TAFA5: variants seen among roughly 807,000 people sequenced by gnomAD.
TAFA5 encodes the protein chemokine-like protein TAFA-5.
A neutral mutation model predicts 15.3 loss-of-function variants in TAFA5; 6 were observed. The observed-to-expected ratio is 0.39, with a 90% CI of 0.21 to 0.77. The LOEUF (loss-of-function observed/expected upper bound fraction) is 0.77, where lower values mean the gene tolerates loss of function less well. Among genes scored for constraint, TAFA5 ranks in the 30% least tolerant of loss-of-function variants. The pLI is 0.41. For synonymous variants in TAFA5, 103 were observed against 80.7 expected, an observed-to-expected ratio of 1.28 and a Z score of -1.48; for missense variants, 161 against 193.1, an observed-to-expected ratio of 0.83 and a Z score of 0.98.
intron 1 of TAFA5, among the ~76,000 whole-genome samples, chr22:48,586,691 G>A (rs964742885): frequency 2.6e-5 from 4 of 152,236 alleles, no homozygotes; most frequent in South Asian, 4.1e-4. Context: ...CTCTGGATCC[G>A]GAGGTCCTGG....
intron 1 of TAFA5, among the ~76,000 whole-genome samples, chr22:48,500,642 T>G (rs1169100505): frequency 6.6e-6 from 1 of 152,236 alleles, no homozygotes; most frequent in Non-Finnish European, 1.5e-5. Context: ...ACACGCATAC[T>G]TAGCAGGCCT....
At chr22:48,592,498 G>A (rs1194034971) in intron 1 of TAFA5, among the ~76,000 whole-genome samples, 1 of 152,208 alleles carries the variant, frequency 6.6e-6, no homozygotes, top group Non-Finnish European at 1.5e-5. Flanking sequence ...CCAGCCCTGG[G>A]TCCAGGTCTC....
intron 2 of TAFA5, among the ~76,000 whole-genome samples, chr22:48,701,059 G>A (rs114277193): frequency 0.044 from 6,656 of 152,202 alleles, 460 homozygotes; most frequent in African/African-American, 0.14. Context: ...GGAGAGGCCC[G>A]CAGCCCTTCA....
chr22:48,723,522 A>T (rs1221121533), intron 3 of TAFA5, among the ~76,000 whole-genome samples: 1 of 152,170 alleles, frequency 6.6e-6, no homozygotes, highest in East Asian at 1.9e-4. Flanking sequence ...GGCTTTGGGC[A>T]TGATTGAACC....
chr22:48,680,299 TG>T (rs1280317850), intron 2 of TAFA5, among the ~76,000 whole-genome samples: 4 of 152,246 alleles, frequency 2.6e-5, no homozygotes, highest in African/African-American at 9.6e-5. Flanking sequence ...CCCAGGTTGC[TG>T]CCAGCTTTTG....
intron 1 of TAFA5, among the ~76,000 whole-genome samples, chr22:48,548,169 G>T (rs1326586809): frequency 1.3e-5 from 2 of 152,218 alleles, no homozygotes; most frequent in African/African-American, 2.4e-5. Context: ...GTGGGGCTTT[G>T]TCCAGTTTCT....
chr22:48,733,946 C>G (rs892036280), intron 3 of TAFA5, among the ~76,000 whole-genome samples: 1 of 152,178 alleles, frequency 6.6e-6, no homozygotes, highest in African/African-American at 2.4e-5. Flanking sequence ...CTGCCAAGAG[C>G]TGGAATGGGC....
intron 2 of TAFA5, among the ~76,000 whole-genome samples, chr22:48,682,359 G>A (rs1313307517): frequency 2.0e-5 from 3 of 152,240 alleles, no homozygotes; most frequent in African/African-American, 7.2e-5. Context: ...AGATGAAGGG[G>A]TTGGGGCAGA....
intron 1 of TAFA5, among the ~76,000 whole-genome samples, chr22:48,616,550 C>T (rs1265880274): frequency 6.6e-6 from 1 of 152,178 alleles, no homozygotes; most frequent in Non-Finnish European, 1.5e-5. Flanking sequence ...TCCCAGAGGT[C>T]TTCCTCCTGC....
At chr22:48,561,363 G>A (rs1183330404) in intron 1 of TAFA5, among the ~76,000 whole-genome samples, 1 of 152,188 alleles carries the variant, frequency 6.6e-6, no homozygotes, top group Admixed American at 6.5e-5. Flanking sequence ...GAATTCCTCA[G>A]ACTGCTCCGT....
intron 3 of TAFA5, among the ~76,000 whole-genome samples, chr22:48,734,663 T>G (rs1032841908): frequency 6.6e-6 from 1 of 152,254 alleles, no homozygotes; most frequent in African/African-American, 2.4e-5. Context: ...CATAAGTAAA[T>G]GCTAAAATGT....
rs542776040 is a variant in TAFA5, at chr22:48,548,559, G to C, written c.112+58855G>C. On this transcript the variant is annotated intron_variant, in intron 1 of 3. Transcript: ENST00000402357. ...GGTCAGACTGGACCCCAGGCTCCAG[G>C]CTCTGGGGCAGGGGAGTGGACTGGG... Among the ~76,000 whole-genome samples, 170 of 152,298 alleles carry C rather than the reference G, an allele frequency of 1.1e-3. 1 individual carries two copies. Among genetic ancestry groups the C allele is most frequent in the African/African-American group, 4.0e-3 (167 of 41,558 alleles).
chr22:48,704,789 C>T (rs151077343), intron 2 of TAFA5, among the ~76,000 whole-genome samples: 4 of 79,324 alleles, frequency 5.0e-5, no homozygotes, highest in East Asian at 2.5e-4. Context: ...CTCAGGCTGC[C>T]GTAGCAAAAC....
intron 1 of TAFA5, among the ~76,000 whole-genome samples, chr22:48,635,530 A>G (rs887975814): frequency 6.6e-6 from 1 of 152,120 alleles, no homozygotes; most frequent in East Asian, 1.9e-4. Flanking sequence ...TGCGCAGCGC[A>G]TTTCAGGGGC....
At chr22:48,576,550 C>T (rs1259780116) in intron 1 of TAFA5, 3 of 1,513,382 alleles carry the variant, frequency 2.0e-6, no homozygotes, top group East Asian at 2.7e-5. Flanking sequence ...CCTAGTGATC[C>T]ACGCGCAGTT....
intron 3 of TAFA5, among the ~76,000 whole-genome samples, chr22:48,719,062 GT>G (rs1297639196): frequency 6.6e-6 from 1 of 152,232 alleles, no homozygotes; most frequent in African/African-American, 2.4e-5. Flanking sequence ...AAGAAACGCA[GT>G]TTTAATCCAT....
At chr22:48,522,513 G>GCGTCCTC (rs1569166765) in intron 1 of TAFA5, among the ~76,000 whole-genome samples, 2 of 152,080 alleles carry the variant, frequency 1.3e-5, no homozygotes, top group African/African-American at 4.8e-5. Flanking sequence ...CTCTACACTC[G>GCGTCCTC]CGTCCTCCGC....
intron 3 of TAFA5, among the ~76,000 whole-genome samples, chr22:48,724,022 A>C (rs537734091): frequency 6.6e-6 from 1 of 152,390 alleles, no homozygotes; most frequent in South Asian, 2.1e-4. Flanking sequence ...GCTGTGCAAC[A>C]GGAAAGACTC....
chr22:48,634,270 ATCAC>A (rs910535434), intron 1 of TAFA5, among the ~76,000 whole-genome samples: 2 of 151,992 alleles, frequency 1.3e-5, no homozygotes, highest in Non-Finnish European at 2.9e-5. Context: ...TCATTCACTC[ATCAC>A]TCACTCATCA....
Sources: allele counts gnomAD v4.1 joint callset (sites outside exome capture counted in the v4.1 genomes callset), GRCh38; gene constraint gnomAD v4.1.1; transcripts MANE v1.5; gene names NCBI Gene and HGNC (gene_info 2026-07-23, HGNC 2026-07-21).